TUBGCP3: variants seen among roughly 807,000 people sequenced by gnomAD.
The protein encoded by TUBGCP3 is gamma-tubulin complex component 3.
TUBGCP3 carries 50 observed loss-of-function variants against 123.1 expected under a neutral mutation model. That is an observed-to-expected ratio of 0.41 (90% CI 0.32 to 0.51). The LOEUF (loss-of-function observed/expected upper bound fraction) is 0.51. TUBGCP3 is among the 20% of genes least tolerant of loss of function. The pLI is 0.36. For missense variants in TUBGCP3, 882 were observed against 1,127.0 expected (o/e 0.78, Z 3.11); for synonymous variants, 405 against 413.9 (o/e 0.98, Z 0.26).
rs770136968 is a variant in TUBGCP3 at position 112,508,455 on chromosome 13, CG to C, written c.2087-3742del. On this transcript the variant is annotated intron_variant, in intron 17 of 21. Coordinates refer to ENST00000261965, the MANE Select transcript of TUBGCP3 (RefSeq NM_006322.6). This position sits in a 1 kb window ranked among gnomAD's most constrained non-coding sequence, Gnocchi z 4.2. ...AGGGGCCTGTTAGTTGAAAAGGTAT[CG>C]TGCACCACGACAGACAGGTCTACAG... Among the ~76,000 whole-genome samples, 4 of 152,252 alleles carry C rather than the reference CG, an allele frequency of 2.6e-5. No homozygotes were observed. The East Asian group carries it at 7.7e-4, about 29-fold the overall frequency.
chr13:112,551,462 T>C (rs878868045), intron 8 of TUBGCP3, among the ~76,000 whole-genome samples: 1 of 152,150 alleles, frequency 6.6e-6, no homozygotes, highest in South Asian at 2.1e-4. Context: ...AAGGCATAAA[T>C]TAGGGCACAC....
chr13:112,554,951 T>G lies in TUBGCP3; in HGVS notation c.776A>C (p.Gln259Pro), dbSNP rs1879906342. The G allele has an allele frequency of 6.2e-7, 1 of 1,613,026 alleles. No individual in the cohort carries two copies. The highest frequency in any genetic ancestry group is 8.5e-7 in the Non-Finnish European group (1 of 1,179,832). The stretch of plus-strand genomic sequence containing the variant: ...TTTGATGTTTTTGCCATCTATGCCC[T>G]GAAAGACGTACAAAATGTCCCTTAC... ...ALVRDILYVF[Q>P]GIDGKNIKMN... The change falls in exon 7 of 22, where the codon CAG becomes CCG. Residue 259 changes from glutamine (Q) to proline (P), a missense_variant. By Grantham distance (76) the Gln-to-Pro change is moderately conservative (BLOSUM62 -1). Around this residue, in one of 3 missense-constraint regions of TUBGCP3, gnomAD observed 713 missense variants for 874.0 expected, o/e 0.82. Coordinates refer to ENST00000261965, the MANE Select transcript of TUBGCP3 (RefSeq NM_006322.6).
chr13:112,509,514 A>G (rs576381415), intron 17 of TUBGCP3, among the ~76,000 whole-genome samples: 1 of 152,252 alleles, frequency 6.6e-6, no homozygotes, highest in Non-Finnish European at 1.5e-5. Flanking sequence ...TTTAGCAACA[A>G]TGTGAATATA....
intron 1 of TUBGCP3, among the ~76,000 whole-genome samples, chr13:112,583,649 A>G (rs1268018416): frequency 1.3e-5 from 2 of 152,248 alleles, no homozygotes; most frequent in Non-Finnish European, 2.9e-5. Flanking sequence ...GTGAATACAG[A>G]AACTCCACAG....
At chr13:112,548,490 C>T (rs769702956) in intron 8 of TUBGCP3, among the ~76,000 whole-genome samples, 1 of 152,102 alleles carries the variant, frequency 6.6e-6, no homozygotes, top group Non-Finnish European at 1.5e-5. Flanking sequence ...CCCTGTAGAT[C>T]TAATTAAACT....
At chr13:112,539,649 A>C (rs1231374329) in intron 11 of TUBGCP3, among the ~76,000 whole-genome samples, 1 of 152,242 alleles carries the variant, frequency 6.6e-6, no homozygotes, top group Admixed American at 6.5e-5. Context: ...CTCAGACCCT[A>C]GGTACGTGCA....
At chr13:112,496,943 G>A (rs577903398) in intron 20 of TUBGCP3, among the ~76,000 whole-genome samples, 2 of 149,446 alleles carry the variant, frequency 1.3e-5, no homozygotes, top group South Asian at 2.1e-4. Flanking sequence ...CCGAGATCGC[G>A]CCACTGCACT....
chr13:112,520,042 T>G, intron 14 of TUBGCP3, 21 bp from the exon 15 acceptor site: 2 of 1,599,370 alleles, frequency 1.3e-6, no homozygotes, highest in South Asian at 1.1e-5. Flanking sequence ...TTTTTAAAAA[T>G]TAAAGAAAAT....
chr13:112,554,256 A>G, intron 7 of TUBGCP3, 74 bp from the exon 8 acceptor site: 2 of 1,540,124 alleles, frequency 1.3e-6, no homozygotes, highest in Non-Finnish European at 1.8e-6. Context: ...TTTCTCAAGC[A>G]CTTCTACTTT....
At chr13:112,555,073 G>T in intron 6 of TUBGCP3, 68 bp from the exon 7 acceptor site, 2 of 978,460 alleles carry the variant, frequency 2.0e-6, no homozygotes, top group Non-Finnish European at 3.1e-6. Context: ...ATATTATGGT[G>T]CAATTAGCTT....
intron 2 of TUBGCP3, among the ~76,000 whole-genome samples, chr13:112,568,507 G>C (rs559065179): frequency 1.1e-4 from 17 of 152,058 alleles, no homozygotes; most frequent in Admixed American, 3.9e-4. Context: ...TTATTACTGA[G>C]ACCCACAGCC....
intron 19 of TUBGCP3, among the ~76,000 whole-genome samples, chr13:112,503,531 G>A (rs572869586): frequency 1.3e-5 from 2 of 152,132 alleles, no homozygotes; most frequent in Admixed American, 6.5e-5. Context: ...CACCACGACC[G>A]GCTAGTGTGT....
intron 8 of TUBGCP3, among the ~76,000 whole-genome samples, chr13:112,551,152 C>T (rs1004318058): frequency 1.6e-4 from 24 of 152,026 alleles, no homozygotes; most frequent in African/African-American, 7.2e-5. Flanking sequence ...CATTATCCAA[C>T]GTGTAGAATC....
At chr13:112,534,530 G>T (rs1877876605) in intron 11 of TUBGCP3, among the ~76,000 whole-genome samples, 1 of 152,156 alleles carries the variant, frequency 6.6e-6, no homozygotes, top group South Asian at 2.1e-4. Flanking sequence ...CTGGGCGACA[G>T]AGGGAAACTC....
At position 112,511,546 on chromosome 13, in the gene TUBGCP3, A is replaced by C. The variant is rs970754522; in HGVS notation, c.2086+4894T>G. On this transcript the variant is annotated intron_variant, in intron 17 of 21. Transcript: ENST00000261965. This position sits in a 1 kb window ranked among gnomAD's most constrained non-coding sequence, Gnocchi z 4.1. ...GAGCCCAGCTCCAGGATCCAAGAGG[A>C]GCTGGGGCCAGGTTTACGCAGCTGC... Among the ~76,000 whole-genome samples the C allele has an allele frequency of 1.3e-5, 2 of 152,052 alleles. No homozygotes were observed. Among genetic ancestry groups the C allele is most frequent in the African/African-American group, 2.4e-5 (1 of 41,388 alleles).
At chr13:112,572,875 C>T (rs1238488945) in intron 1 of TUBGCP3, among the ~76,000 whole-genome samples, 1 of 152,092 alleles carries the variant, frequency 6.6e-6, no homozygotes, top group Non-Finnish European at 1.5e-5. Flanking sequence ...TACCTAAAGA[C>T]TTGCCCAACG....
the TUBGCP3 span, among the ~76,000 whole-genome samples, chr13:112,594,021 A>T: frequency 7.5e-6 from 1 of 134,184 alleles, no homozygotes; most frequent in Non-Finnish European, 1.6e-5. Flanking sequence ...ATAAGTAACC[A>T]AGTTGAATTA....
intron 9 of TUBGCP3, 108 bp downstream of exon 9, chr13:112,548,000 T>A (rs1305584345): frequency 2.2e-6 from 2 of 911,246 alleles, no homozygotes; most frequent in Non-Finnish European, 3.2e-6. Flanking sequence ...TGAAAAATAT[T>A]GCTGTATTTT....
chr13:112,601,019 C>T, the TUBGCP3 span, among the ~76,000 whole-genome samples: 1 of 151,944 alleles, frequency 6.6e-6, no homozygotes, highest in Non-Finnish European at 1.5e-5. Context: ...GAAACCCCGT[C>T]TCTACTCAAA....
Sources: gnomAD v4.1 joint callset for allele counts (sites outside exome capture counted in the v4.1 genomes callset) on GRCh38, gnomAD v4.1.1 for gene constraint, gnomAD v4.1.1 regional missense constraint, Gnocchi (gnomAD v3.1) non-coding constraint, MANE v1.5 for transcripts, NCBI Gene and HGNC (gene_info 2026-07-23, HGNC 2026-07-21) for gene names.